Variants in FNIP1 observed in about 807,000 individuals in gnomAD.
FNIP1 encodes the protein folliculin interacting protein 1.
A neutral mutation model predicts 124.5 loss-of-function variants in FNIP1; 40 were observed. That is an observed-to-expected ratio of 0.32 (90% CI 0.25 to 0.42). The LOEUF (loss-of-function observed/expected upper bound fraction) is 0.42, where lower values mean the gene tolerates loss of function less well. Ranked by LOEUF, FNIP1 falls within the 10% of genes least tolerant of loss-of-function variation. The probability of loss-of-function intolerance (pLI) is 1.00; values close to 1 mark genes in which losing one functional copy is unlikely to be tolerated. For synonymous variants in FNIP1, 472 were observed against 470.6 expected, an observed-to-expected ratio of 1.00 and a Z score of -0.04; for missense variants, 1,176 against 1,403.7, an observed-to-expected ratio of 0.84 and a Z score of 2.59.
intron 1 of FNIP1, among the ~76,000 whole-genome samples, chr5:131,753,743 A>G (rs1385487630): frequency 6.6e-6 from 1 of 152,240 alleles, no homozygotes; most frequent in Non-Finnish European, 1.5e-5. Flanking sequence ...AATTTTTAAA[A>G]GAGAAAGACT....
chr5:131,657,579 C>T lies in FNIP1; in HGVS notation c.3109-5580G>A, dbSNP rs966899316. On this transcript the variant is annotated intron_variant, in intron 15 of 17. Transcript: ENST00000510461. ...AATATCATGACAGTCCGAAGAATCA[C>T]GCCATAGAAGATGCCATTGCTGTTA... Among the ~76,000 whole-genome samples the T allele has an allele frequency of 5.3e-5, 8 of 152,054 alleles. No individual in the cohort carries two copies. In the East Asian group the frequency reaches 5.8e-4, roughly 11 times the overall value.
At chr5:131,735,742 C>T (rs1290306982) in intron 2 of FNIP1, among the ~76,000 whole-genome samples, 2 of 150,898 alleles carry the variant, frequency 1.3e-5, no homozygotes, top group Non-Finnish European at 3.0e-5. Context: ...TAACTGACCT[C>T]TCTAAACCTT....
In FNIP1 at chr5:131,679,073, G is replaced by C; in HGVS notation, c.1305C>G (p.Phe435Leu). Residue 435 changes from phenylalanine (F) to leucine (L), a missense_variant, in exon 12 of 18, where the codon TTC becomes TTG. Transcript: ENST00000510461. ...TPEKNHLCYR[F>L]MKEFTFLMEN... The stretch of plus-strand genomic sequence containing the variant: ...CCATTAGAAAGGTGAACTCCTTCAT[G>C]AAACGATAGCAAAGGTGGTTCTTTT... 1 of 1,612,580 alleles carries C rather than the reference G, an allele frequency of 6.2e-7. No homozygotes were observed. Among genetic ancestry groups the C allele is most frequent in the Non-Finnish European group, 8.5e-7 (1 of 1,179,374 alleles).
intron 6 of FNIP1, among the ~76,000 whole-genome samples, chr5:131,712,104 T>A (rs1315394898): frequency 6.6e-6 from 1 of 152,168 alleles, no homozygotes; most frequent in East Asian, 1.9e-4. Flanking sequence ...CTCTCATCCA[T>A]CCTTGCCTCC....
intron 11 of FNIP1, among the ~76,000 whole-genome samples, chr5:131,689,677 T>C (rs1383767255): frequency 2.0e-5 from 3 of 151,972 alleles, no homozygotes; most frequent in African/African-American, 7.3e-5. Flanking sequence ...ATAAATGACA[T>C]GCTAAAAGAG....
At chr5:131,685,755 C>T (rs1010933478) in intron 11 of FNIP1, among the ~76,000 whole-genome samples, 5 of 151,648 alleles carry the variant, frequency 3.3e-5, no homozygotes, top group African/African-American at 1.2e-4. Flanking sequence ...CACCTCGCTC[C>T]TTAAGAATCT....
chr5:131,732,729 T>C (rs1770140519), intron 2 of FNIP1, among the ~76,000 whole-genome samples: 1 of 152,252 alleles, frequency 6.6e-6, no homozygotes, highest in South Asian at 2.1e-4. Flanking sequence ...TTGGTTACTG[T>C]AGCCTTATAG....
chr5:131,795,518 A>G (rs761742917), intron 1 of FNIP1: 1 of 152,194 alleles, frequency 6.6e-6, no homozygotes, highest in East Asian at 1.9e-4. Flanking sequence ...TTGTCGCTTG[A>G]GTTACTAGAT....
At chr5:131,732,537 T>A (rs1410302278) in intron 2 of FNIP1, among the ~76,000 whole-genome samples, 9 of 152,212 alleles carry the variant, frequency 5.9e-5, no homozygotes, top group Non-Finnish European at 8.8e-5. Context: ...CAGTTTCAGC[T>A]TTCTACATAT....
At chr5:131,755,119 T>C (rs1771002392) in intron 1 of FNIP1, among the ~76,000 whole-genome samples, 2 of 151,878 alleles carry the variant, frequency 1.3e-5, no homozygotes, top group African/African-American at 4.8e-5. Flanking sequence ...GTGCAACCGA[T>C]TGATGAAAAA....
chr5:131,687,318 C>G (rs886277071), intron 11 of FNIP1, among the ~76,000 whole-genome samples: 1 of 152,102 alleles, frequency 6.6e-6, no homozygotes, highest in African/African-American at 2.4e-5. Flanking sequence ...GTTGCCCAGG[C>G]TGGTCTTGAA....
chr5:131,719,142 T>C, intron 4 of FNIP1, 82 bp from the exon 5 acceptor site: 9 of 1,367,358 alleles, frequency 6.6e-6, no homozygotes, highest in Non-Finnish European at 9.3e-6. Context: ...AATGTGTAAG[T>C]CACAGAGGTT....
intron 16 of FNIP1, 53 bp from the exon 17 acceptor site, chr5:131,647,258 A>C: frequency 2.4e-5 from 31 of 1,306,374 alleles, no homozygotes; most frequent in African/African-American, 4.4e-5. Context: ...TGCAACTCTC[A>C]GTCATGGCAA....
chr5:131,647,162 T>C lies in FNIP1; in HGVS notation c.3350A>G (p.Lys1117Arg), dbSNP rs1156607183. 6.2e-7 allele frequency: 1 copy of C among 1,614,138 alleles called. No homozygotes were observed. Reference sequence around the variant, plus strand: ...CAGGTATTCAGACAGCATTTTACTTTTGAAGTATAGCTCCTGCAACCGGTC... The same window carrying C: ...CAGGTATTCAGACAGCATTTTACTTCTGAAGTATAGCTCCTGCAACCGGTC... ...LEDRLQELYFKSKMLSEYLRG... is the reference protein window; with the variant it reads ...LEDRLQELYFRSKMLSEYLRG... The change falls in exon 17 of 18, where the codon AAA becomes AGA. Residue 1117 changes from lysine (K) to arginine (R), a missense_variant. By Grantham distance (26) the Lys-to-Arg change is conservative (BLOSUM62 2). This residue lies in a region of FNIP1 where 67 missense variants were observed against 115.2 expected (regional missense o/e 0.58). Coordinates refer to ENST00000510461, the MANE Select transcript of FNIP1 (RefSeq NM_133372.3).
At position 131,671,998 on chromosome 5, in the gene FNIP1, C is replaced by T; in HGVS notation, c.2446G>A (p.Glu816Lys). ...CAACAGGGAAGTTCACAGGGCTCTT[C>T]AGAAACCATGTTCTGTGTATCAGAC... ...GESDTQNMVS[E>K]EPCELPCWNH... Residue 816 changes from glutamate to lysine, a missense_variant, in exon 14 of 18, where the codon GAA becomes AAA. Around this residue, in one of 2 missense-constraint regions of FNIP1, gnomAD observed 1,109 missense variants for 1,288.5 expected, o/e 0.86. Transcript: ENST00000510461. 1 of 1,614,192 alleles carries T rather than the reference C, an allele frequency of 6.2e-7. No individual in the cohort carries two copies. Among genetic ancestry groups the T allele is most frequent in the Non-Finnish European group, 8.5e-7 (1 of 1,180,032 alleles).
intron 16 of FNIP1, among the ~76,000 whole-genome samples, chr5:131,648,684 G>T (rs191179499): frequency 3.6e-4 from 55 of 152,078 alleles, no homozygotes; most frequent in African/African-American, 1.3e-3. Flanking sequence ...TAATTATATA[G>T]TCCTAAGAGC....
chr5:131,723,715 A>C (rs1281486440), intron 3 of FNIP1, among the ~76,000 whole-genome samples: 1 of 152,138 alleles, frequency 6.6e-6, no homozygotes, highest in South Asian at 2.1e-4. Context: ...ATTTAAAAAA[A>C]ATTATTATTA....
Position 131,672,653 on chromosome 5 carries a change from A to G in FNIP1, c.1791T>C (p.Phe597=). Residue 597 remains phenylalanine, a synonymous_variant, in exon 14 of 18, where the codon TTT becomes TTC. Coordinates refer to ENST00000510461, the MANE Select transcript of FNIP1 (RefSeq NM_133372.3). ...GAGTTCTAATTTCTTCTGACTCTTT[A>G]AAGAGCAAACTGCTTTTGTTTCTAT... ...TMHRNKSSLL[F]KESEEIRTPN... The G allele has an allele frequency of 6.2e-7, 1 of 1,614,190 alleles. No individual in the cohort carries two copies. The highest frequency in any genetic ancestry group is 8.5e-7 in the Non-Finnish European group (1 of 1,180,026).
chr5:131,766,727 T>A (rs1771438196), intron 1 of FNIP1, among the ~76,000 whole-genome samples: 1 of 152,148 alleles, frequency 6.6e-6, no homozygotes, highest in African/African-American at 2.4e-5. Context: ...ATGGTGTAAT[T>A]CTCAGTCTGA....
Sources: allele counts gnomAD v4.1 joint callset (sites outside exome capture counted in the v4.1 genomes callset), GRCh38; gene constraint gnomAD v4.1.1; regional missense constraint gnomAD v4.1.1; transcripts MANE v1.5; gene names NCBI Gene and HGNC (gene_info 2026-07-23, HGNC 2026-07-21).